The following ADCY7 variants were observed in gnomAD, a reference collection of about 807,000 sequenced individuals.
The protein encoded by ADCY7 is adenylate cyclase type 7.
In ADCY7, 72 loss-of-function variants were observed where a neutral mutation model predicts 120.6. The observed-to-expected ratio is 0.60, with a 90% CI of 0.49 to 0.73. The LOEUF is 0.73. Among genes scored for constraint, ADCY7 ranks in the 30% least tolerant of loss-of-function variants. The pLI, the probability that ADCY7 is intolerant of heterozygous loss-of-function variation, is 0.00. For synonymous variants in ADCY7, 661 were observed against 628.0 expected (o/e 1.05, Z -0.78); for missense variants, 1,227 against 1,486.0 (o/e 0.83, Z 2.87).
At position 50,316,893 on chromosome 16, in the gene ADCY7, C is replaced by T. The variant is rs750899043; in HGVS notation, c.*1388C>T. Reference sequence around the variant, plus strand: ...TTCCCTACATAGCAGGGATTCTTAGCTAGGTGTCCCCATGAACCCCGTAAA... The same window carrying T: ...TTCCCTACATAGCAGGGATTCTTAGTTAGGTGTCCCCATGAACCCCGTAAA... On this transcript the variant is annotated 3_prime_UTR_variant, in exon 26 of 26. Coordinates refer to ENST00000673801, the MANE Select transcript of ADCY7 (RefSeq NM_001114.5). 5.9e-5 allele frequency: 9 copies of T among 152,366 alleles called. No homozygotes were observed. Among genetic ancestry groups the T allele is most frequent in the African/African-American group, 1.9e-4 (8 of 41,410 alleles). The allele number at this position is 152,366 out of a possible 1,614,324, so 9.4% of individuals were successfully genotyped here.
chr16:50,312,467 C>T lies in ADCY7; in HGVS notation c.2604+276C>T, dbSNP rs2036542786. 6.6e-6 allele frequency among the ~76,000 whole-genome samples: 1 copy of T among 152,194 alleles called. No homozygotes were observed. Among genetic ancestry groups the T allele is most frequent in the Non-Finnish European group, 1.5e-5 (1 of 68,040 alleles). On this transcript the variant is annotated intron_variant, in intron 21 of 25. Transcript: ENST00000673801. ...TGGGCTGACAGCCCTTCCCCACAGGCTTGTGGCGAGGATGAAATGTGTGTT... is the reference window on the plus strand; with the variant it reads ...TGGGCTGACAGCCCTTCCCCACAGGTTTGTGGCGAGGATGAAATGTGTGTT...
rs2034688080 is a variant in ADCY7 at position 50,287,992 on chromosome 16, C to T, written c.-188C>T. ...CGGCACAGTGAGTGAGGCCTGGTGC[C>T]AGAGCTGTGCGGACCCCTTGTTGGC... On this transcript the variant is annotated 5_prime_UTR_variant, in exon 2 of 26. Transcript: ENST00000673801. 1.7e-6 allele frequency: 1 copy of T among 577,304 alleles called. No homozygotes were observed. The highest frequency in any genetic ancestry group is 2.6e-5 in the South Asian group (1 of 37,792). 35.8% of individuals were successfully genotyped at this position (577,304 alleles called of 1,614,324 possible).
chr16:50,250,036 T>C (rs1001044690), intron 1 of ADCY7, among the ~76,000 whole-genome samples: 1 of 152,220 alleles, frequency 6.6e-6, no homozygotes, highest in African/African-American at 2.4e-5. Context: ...CTGTGTGACT[T>C]TGGGCAAGTG....
chr16:50,298,239 C>G (rs559277537), intron 7 of ADCY7, among the ~76,000 whole-genome samples: 30 of 152,228 alleles, frequency 2.0e-4, no homozygotes, highest in Admixed American at 2.0e-3. Flanking sequence ...GTCCTCACCC[C>G]CCACTCCTGC....
In ADCY7 at chr16:50,270,763, G is replaced by A. The variant is rs532465291; in HGVS notation, c.-269+4083G>A. 6.8e-4 allele frequency among the ~76,000 whole-genome samples: 103 copies of A among 152,318 alleles called. 1 individual carries two copies. In the South Asian group the frequency reaches 0.021, roughly 30 times the overall value. On this transcript the variant is annotated intron_variant, in intron 1 of 25. Transcript: ENST00000673801. ...CTCAGTTTCCTTATCTGTAAAATGG[G>A]GCTGATGGCAGTGCTCAGGTAGGTT...
chr16:50,314,885 A>G, intron 24 of ADCY7, 129 bp from the exon 25 acceptor site: 1 of 1,334,710 alleles, frequency 7.5e-7, no homozygotes, highest in Non-Finnish European at 1.0e-6. Context: ...TCTGGGAAGC[A>G]ACCCAGCCTT....
At chr16:50,307,585 A>G (rs1482730532) in intron 15 of ADCY7, among the ~76,000 whole-genome samples, 1 of 152,080 alleles carries the variant, frequency 6.6e-6, no homozygotes, top group African/African-American at 2.4e-5. Context: ...GGTGGGGTAT[A>G]GGGATGAGGG....
chr16:50,288,831 T>C (rs77004875), intron 2 of ADCY7, among the ~76,000 whole-genome samples: 1 of 152,150 alleles, frequency 6.6e-6, no homozygotes, highest in Non-Finnish European at 1.5e-5. Flanking sequence ...GTTTCTAATT[T>C]AAAAAAATTT....
chr16:50,293,482 C>T lies in ADCY7; in HGVS notation c.816C>T (p.Val272=), dbSNP rs1340472548. ...ACAACAACTTCCACAGCCTCTACGT[C>T]AAGAGGCACCAGAATGTCAGGTGGG... is the stretch of plus-strand genomic sequence containing the variant. ...MPDNNFHSLY[V]KRHQNVSILY... The change falls in exon 6 of 26, where the codon GTC becomes GTT. Residue 272 remains valine (V), a synonymous_variant. Coordinates refer to ENST00000673801, the MANE Select transcript of ADCY7 (RefSeq NM_001114.5). 1.9e-6 allele frequency: 3 copies of T among 1,613,884 alleles called. No individual in the cohort carries two copies. Among genetic ancestry groups the T allele is most frequent in the Non-Finnish European group, 2.5e-6 (3 of 1,180,010 alleles).
chr16:50,295,345 A>AT (rs67137852), intron 7 of ADCY7, among the ~76,000 whole-genome samples: 1,680 of 82,524 alleles, frequency 0.02, 122 homozygotes, highest in African/African-American at 0.065. Context: ...CGCCTGGCTA[A>AT]TTTTTTTTTT....
chr16:50,296,344 T>G (rs960083219), intron 7 of ADCY7, among the ~76,000 whole-genome samples: 1 of 149,048 alleles, frequency 6.7e-6, no homozygotes, highest in Non-Finnish European at 1.5e-5. Flanking sequence ...TGCACCATCA[T>G]GCCCTGCCCC....
upstream of ADCY7, among the ~76,000 whole-genome samples, chr16:50,265,226 T>TC: frequency 6.6e-6 from 1 of 152,216 alleles, no homozygotes; most frequent in African/African-American, 2.4e-5. Context: ...CTTTCCCCTC[T>TC]TTTGATGATG....
upstream of ADCY7, chr16:50,246,019 C>T (rs1294355989): frequency 2.0e-5 from 3 of 150,868 alleles, no homozygotes; most frequent in African/African-American, 7.3e-5. Context: ...GACGCGGCCT[C>T]CTGGGCGCCC....
intron 18 of ADCY7, 60 bp downstream of exon 18, chr16:50,309,706 G>T: frequency 6.8e-7 from 1 of 1,462,252 alleles, no homozygotes. Context: ...GCTGCCAGAG[G>T]TGTAGTTTGG....
In ADCY7 at chr16:50,301,323, G is replaced by A. The variant is rs2035709228; in HGVS notation, c.1368+109G>A. Reference sequence around the variant, plus strand: ...AACCCCCATGTGGAGGGAGAGGTGGGGAAGGGCCCTGCCTGGGCAGGAGTG... The same window carrying A: ...AACCCCCATGTGGAGGGAGAGGTGGAGAAGGGCCCTGCCTGGGCAGGAGTG... On this transcript the variant is annotated intron_variant, in intron 10 of 25. Transcript: ENST00000673801. The A allele has an allele frequency of 1.3e-5, 19 of 1,411,480 alleles. 1 individual carries two copies. The highest frequency in any genetic ancestry group is 1.3e-4 in the South Asian group (9 of 68,390). The allele number at this position is 1,411,480 out of a possible 1,614,324, so 87.4% of individuals were successfully genotyped here.
At chr16:50,251,889 A>C (rs1162316001) in intron 1 of ADCY7, among the ~76,000 whole-genome samples, 1 of 152,162 alleles carries the variant, frequency 6.6e-6, no homozygotes, top group African/African-American at 2.4e-5. Context: ...AGGGCATAGC[A>C]TTGCACTGCC....
chr16:50,270,966 C>T (rs1205100276), intron 1 of ADCY7, among the ~76,000 whole-genome samples: 7 of 152,174 alleles, frequency 4.6e-5, no homozygotes, highest in East Asian at 1.9e-4. Context: ...TGGTGTCACC[C>T]GGCTTGCCAT....
chr16:50,307,146 A>G lies in ADCY7; in HGVS notation c.1849A>G (p.Arg617Gly). 6.2e-7 allele frequency: 1 copy of G among 1,611,260 alleles called. No individual in the cohort carries two copies. Among genetic ancestry groups the G allele is most frequent in the African/African-American group, 1.3e-5 (1 of 74,994 alleles). The change falls in exon 15 of 26, where the codon AGG (arginine) becomes GGG (glycine). Residue 617 changes from arginine to glycine, a missense_variant and splice_region_variant. Arg to Gly is a moderately radical substitution (Grantham distance 125). This residue lies in a region of ADCY7 where 267 missense variants were observed against 270.0 expected (regional missense o/e 0.99). Coordinates refer to ENST00000673801, the MANE Select transcript of ADCY7 (RefSeq NM_001114.5). ...ILLVHVLLMPRTAALGVSFGL... is the reference protein window; with the variant it reads ...ILLVHVLLMPGTAALGVSFGL... ...GCTCGTCCATGTCCTGCTCATGCCC[A>G]GGTCAGTTGCAGGGAGGGGTGTGGG...
chr16:50,269,718 A>G (rs2033439017), intron 1 of ADCY7, among the ~76,000 whole-genome samples: 1 of 152,130 alleles, frequency 6.6e-6, no homozygotes, highest in Non-Finnish European at 1.5e-5. Context: ...TACTGAGGTG[A>G]CACAGCATCC....
Sources: allele counts gnomAD v4.1 joint callset (sites outside exome capture counted in the v4.1 genomes callset), GRCh38; gene constraint gnomAD v4.1.1; regional missense constraint gnomAD v4.1.1; transcripts MANE v1.5; gene names NCBI Gene and HGNC (gene_info 2026-07-23, HGNC 2026-07-21).